Variants in SORT1 observed in about 807,000 individuals in gnomAD.
The protein encoded by SORT1 is sortilin 1, also known as sortilin.
Under a neutral mutation model 101.7 loss-of-function variants are expected in SORT1, and 39 were observed. The ratio of observed to expected loss-of-function variants is 0.38; its 90% CI spans 0.30 to 0.50. SORT1 has a LOEUF of 0.50. Among genes scored for constraint, SORT1 ranks in the 20% least tolerant of loss-of-function variants. The pLI, the probability that SORT1 is intolerant of heterozygous loss-of-function variation, is 0.90. For synonymous variants in SORT1, 396 were observed against 393.7 expected (o/e 1.01, Z -0.07); for missense variants, 878 against 1,040.4 (o/e 0.84, Z 2.15).
intron 7 of SORT1, 107 bp from the exon 8 acceptor site, chr1:109,345,988 C>T: frequency 1.1e-6 from 1 of 928,276 alleles, no homozygotes. Flanking sequence ...ATTTTAAATA[C>T]TATGCATGTT....
At chr1:109,384,886 TG>T (rs1652476709) in intron 1 of SORT1, among the ~76,000 whole-genome samples, 1 of 152,102 alleles carries the variant, frequency 6.6e-6, no homozygotes, top group Non-Finnish European at 1.5e-5. Context: ...GAAACCAGCC[TG>T]GGCAACATGG....
chr1:109,368,388 A>G (rs1042749144), intron 2 of SORT1: 1 of 152,174 alleles, frequency 6.6e-6, no homozygotes, highest in African/African-American at 2.4e-5. Flanking sequence ...AAATTTTAGA[A>G]AAAACTGAAC....
intron 10 of SORT1, among the ~76,000 whole-genome samples, chr1:109,336,727 T>A (rs919213373): frequency 1.3e-5 from 2 of 151,262 alleles, no homozygotes; most frequent in African/African-American, 4.9e-5. Flanking sequence ...GAGAATCACT[T>A]GAACCCGGGA....
At chr1:109,387,793 A>T (rs1652664160) in intron 1 of SORT1, among the ~76,000 whole-genome samples, 1 of 152,252 alleles carries the variant, frequency 6.6e-6, no homozygotes, top group East Asian at 1.9e-4. Context: ...TCTACTAAAA[A>T]TACAAAAATT....
At chr1:109,368,176 C>A (rs1432035254) in intron 2 of SORT1, among the ~76,000 whole-genome samples, 1 of 151,818 alleles carries the variant, frequency 6.6e-6, no homozygotes, top group Non-Finnish European at 1.5e-5. Context: ...TGCCTGTAGT[C>A]CCAGCTTCTT....
At chr1:109,372,986 C>T (rs750184077) in intron 1 of SORT1, among the ~76,000 whole-genome samples, 3 of 151,420 alleles carry the variant, frequency 2.0e-5, no homozygotes, top group Non-Finnish European at 2.9e-5. Flanking sequence ...ACCCGAGAGG[C>T]GGAGGCTGCA....
intron 1 of SORT1, among the ~76,000 whole-genome samples, chr1:109,382,172 G>A (rs1356021865): frequency 1.3e-5 from 2 of 152,148 alleles, no homozygotes; most frequent in Non-Finnish European, 2.9e-5. Flanking sequence ...GTCTCACTCT[G>A]TTGCCCAGGC....
At chr1:109,331,538 A>G (rs1456089799) in intron 11 of SORT1, among the ~76,000 whole-genome samples, 1 of 152,224 alleles carries the variant, frequency 6.6e-6, no homozygotes, top group Admixed American at 6.5e-5. Context: ...TCAACATAAT[A>G]AAGGCTATAT....
At chr1:109,343,756 C>T (rs1438811002) in intron 8 of SORT1, among the ~76,000 whole-genome samples, 2 of 152,160 alleles carry the variant, frequency 1.3e-5, no homozygotes, top group African/African-American at 4.8e-5. Context: ...CCAGTTGATT[C>T]TTGTGCATCA....
chr1:109,363,514 C>T (rs1202144263), intron 3 of SORT1, among the ~76,000 whole-genome samples: 2 of 152,174 alleles, frequency 1.3e-5, no homozygotes, highest in Middle Eastern at 3.4e-3. Flanking sequence ...TACATACATA[C>T]ACATACATAT....
At chr1:109,393,830 T>C (rs995087493) in intron 1 of SORT1, among the ~76,000 whole-genome samples, 6 of 151,924 alleles carry the variant, frequency 3.9e-5, no homozygotes, top group Non-Finnish European at 5.9e-5. Context: ...TCATTACAAA[T>C]ACAATATTAC....
At chr1:109,339,815 GA>G (rs1483590741) in intron 10 of SORT1, among the ~76,000 whole-genome samples, 1 of 152,124 alleles carries the variant, frequency 6.6e-6, no homozygotes. Context: ...GTATTCATAA[GA>G]GCTGAAAATG....
intron 14 of SORT1, among the ~76,000 whole-genome samples, chr1:109,323,724 A>G (rs540912662): frequency 9.9e-5 from 15 of 152,226 alleles, no homozygotes; most frequent in Non-Finnish European, 2.2e-4. Context: ...GCTGTGACCT[A>G]AAGACAGTGG....
At position 109,367,416 on chromosome 1, in the gene SORT1, T is replaced by C. The variant is rs745337610; in HGVS notation, c.432A>G (p.Leu144=). The part of the protein sequence containing the change: ...LVIMTFGQSK[L]YRSEDYGKNF... ...CGTGTTATTGATCTCACCTTCGATATAGCTTGGACTGTCCAAAAGTCATAA... is the reference window on the plus strand; with the variant it reads ...CGTGTTATTGATCTCACCTTCGATACAGCTTGGACTGTCCAAAAGTCATAA... Residue 144 remains leucine, a synonymous_variant, in exon 3 of 20, where the codon CTA becomes CTG. Coordinates refer to ENST00000256637, the MANE Select transcript of SORT1 (RefSeq NM_002959.7). 82 of 1,582,242 alleles carry C rather than the reference T, an allele frequency of 5.2e-5. No individual in the cohort carries two copies. The highest frequency in any genetic ancestry group is 6.9e-5 in the Non-Finnish European group (80 of 1,154,228).
chr1:109,354,795 A>C (rs1405503231), intron 4 of SORT1, among the ~76,000 whole-genome samples: 1 of 152,210 alleles, frequency 6.6e-6, no homozygotes, highest in Non-Finnish European at 1.5e-5. Flanking sequence ...AAAAACTAAA[A>C]TGTTGTCATA....
chr1:109,367,118 C>T (rs529845601), intron 3 of SORT1: 49 of 247,820 alleles, frequency 2.0e-4, no homozygotes, highest in Non-Finnish European at 2.6e-4. Context: ...TCCCAGCTAC[C>T]TGGGAGGCTG....
chr1:109,384,993 C>T (rs1320479987), intron 1 of SORT1, among the ~76,000 whole-genome samples: 1 of 151,900 alleles, frequency 6.6e-6, no homozygotes, highest in East Asian at 1.9e-4. Context: ...CACGAGAATC[C>T]CTTGAACCTG....
At chr1:109,347,664 C>T (rs187352293) in intron 6 of SORT1, 132 bp from the exon 7 acceptor site, 42 of 623,428 alleles carry the variant, frequency 6.7e-5, no homozygotes, top group Middle Eastern at 5.3e-4. Context: ...ACTTCTCAGG[C>T]GCTGAGCCCT....
intron 11 of SORT1, among the ~76,000 whole-genome samples, chr1:109,330,946 T>A (rs1648421021): frequency 6.6e-6 from 1 of 152,096 alleles, no homozygotes; most frequent in South Asian, 2.1e-4. Context: ...AACATACTAA[T>A]ATGAGTAAGG....
Sources: allele counts gnomAD v4.1 joint callset (sites outside exome capture counted in the v4.1 genomes callset), GRCh38; gene constraint gnomAD v4.1.1; transcripts MANE v1.5; gene names NCBI Gene and HGNC (gene_info 2026-07-23, HGNC 2026-07-21).